Variants in PAM observed in about 807,000 individuals in gnomAD.
The protein encoded by PAM is peptidylglycine alpha-amidating monooxygenase.
A neutral mutation model predicts 122.1 loss-of-function variants in PAM; 72 were observed. The ratio of observed to expected loss-of-function variants is 0.59; its 90% CI spans 0.49 to 0.72. The LOEUF is 0.72. Ranked by LOEUF, PAM falls within the 30% of genes least tolerant of loss-of-function variation. PAM has a pLI of 0.00. For synonymous variants in PAM, 389 were observed against 404.4 expected (o/e 0.96, Z 0.46); for missense variants, 1,106 against 1,183.7 (o/e 0.93, Z 0.96).
chr5:102,997,628 A>G (rs529197809), intron 16 of PAM, among the ~76,000 whole-genome samples: 8 of 152,300 alleles, frequency 5.3e-5, no homozygotes, highest in African/African-American at 1.7e-4. Flanking sequence ...TGCTATGTCA[A>G]AATTTTCTAT....
At chr5:102,874,683 A>G (rs1788582512) in intron 3 of PAM, among the ~76,000 whole-genome samples, 1 of 152,094 alleles carries the variant, frequency 6.6e-6, no homozygotes, top group African/African-American at 2.4e-5. Flanking sequence ...CTACAGTGTA[A>G]AAGACTCCTT....
At chr5:102,999,868 C>T (rs115120698) in intron 16 of PAM, among the ~76,000 whole-genome samples, 2,801 of 152,300 alleles carry the variant, frequency 0.018, 39 homozygotes, top group Middle Eastern at 0.058. Context: ...TCCTGGGCCA[C>T]TGGGTCTGTG....
Position 103,021,280 on chromosome 5 carries a change from AC to A in PAM, c.2485+1439del, listed in dbSNP as rs550676428. Among the ~76,000 whole-genome samples the A allele has an allele frequency of 5.9e-5, 9 of 152,194 alleles. No homozygotes were observed. The South Asian group carries it at 1.9e-3, about 32-fold the overall frequency. ...GCTATACTGCTGAGGAGAGACTGAT[AC>A]CACCAATTCATTCACTATAAATTCT... On this transcript the variant is annotated intron_variant, in intron 23 of 25. Coordinates refer to ENST00000438793, the MANE Select transcript of PAM (RefSeq NM_001177306.2).
chr5:102,947,584 G>C (rs1305593122), intron 8 of PAM, among the ~76,000 whole-genome samples: 3 of 152,122 alleles, frequency 2.0e-5, no homozygotes, highest in Non-Finnish European at 2.9e-5. Context: ...AGTGTATACT[G>C]TTTGGGTGAT....
intron 12 of PAM, among the ~76,000 whole-genome samples, chr5:102,951,951 TGAAA>T (rs1759042916): frequency 6.6e-6 from 1 of 152,028 alleles, no homozygotes. Flanking sequence ...TAACTAGATT[TGAAA>T]GAAAGAGCAT....
Position 102,766,926 on chromosome 5 carries a change from A to ATTTTTTTTTTTTTTTTTTTTTTTTTTT in PAM, c.-374+11583_-374+11609dup. Among the ~76,000 whole-genome samples, 49 of 25,854 alleles carry ATTTTTTTTTTTTTTTTTTTTTTTTTTT rather than the reference A, an allele frequency of 1.9e-3. 20 individuals are homozygous for ATTTTTTTTTTTTTTTTTTTTTTTTTTT. The highest frequency in any genetic ancestry group is 4.0e-3 in the South Asian group (3 of 750). 17.0% of individuals were successfully genotyped at this position (25,854 alleles called of 152,430 possible). On this transcript the variant is annotated intron_variant, in intron 1 of 25. Coordinates refer to ENST00000438793, the MANE Select transcript of PAM (RefSeq NM_001177306.2). Reference sequence around the variant, plus strand: ...ATTTATTTTATTGCTTCAGTTGTGGATTTTTTTTTTTTTTTTTTTTTTTTT... The same window carrying ATTTTTTTTTTTTTTTTTTTTTTTTTTT: ...ATTTATTTTATTGCTTCAGTTGTGGATTTTTTTTTTTTTTTTTTTTTTTTTTTTTTTTTTTTTTTTTTTTTTTTTTTT...
chr5:102,891,674 C>T (rs1794832739), intron 3 of PAM, among the ~76,000 whole-genome samples: 1 of 151,776 alleles, frequency 6.6e-6, no homozygotes, highest in African/African-American at 2.4e-5. Context: ...TTATTTCTGT[C>T]AACATTATCA....
intron 1 of PAM, among the ~76,000 whole-genome samples, chr5:102,761,010 A>C (rs1217762827): frequency 6.6e-6 from 1 of 152,214 alleles, no homozygotes; most frequent in African/African-American, 2.4e-5. Flanking sequence ...AGCTTTGTCT[A>C]CTAACCATGC....
chr5:102,886,315 C>A (rs1362878411), intron 3 of PAM, among the ~76,000 whole-genome samples: 1 of 151,926 alleles, frequency 6.6e-6, no homozygotes. Context: ...AACCTTCTAG[C>A]AAATCCCAAA....
At chr5:102,956,111 C>T (rs768468166) in intron 12 of PAM, among the ~76,000 whole-genome samples, 4 of 151,916 alleles carry the variant, frequency 2.6e-5, no homozygotes, top group Non-Finnish European at 5.9e-5. Flanking sequence ...AGCAAAGATT[C>T]CTAAATTATT....
At chr5:102,884,657 C>G (rs1269664807) in intron 3 of PAM, among the ~76,000 whole-genome samples, 1 of 151,886 alleles carries the variant, frequency 6.6e-6, no homozygotes, top group South Asian at 2.1e-4. Flanking sequence ...TTCAATAACC[C>G]TCTTCAAGAA....
chr5:102,801,819 C>T (rs1764797996), intron 1 of PAM, among the ~76,000 whole-genome samples: 1 of 140,328 alleles, frequency 7.1e-6, no homozygotes, highest in South Asian at 2.3e-4. Context: ...CGCTCTGTCG[C>T]CCAGGCTGGA....
At chr5:102,977,786 T>C (rs2150514574) in intron 15 of PAM, among the ~76,000 whole-genome samples, 1 of 152,152 alleles carries the variant, frequency 6.6e-6, no homozygotes, top group South Asian at 2.1e-4. Flanking sequence ...ATGTAGAATA[T>C]TGCAAGTCCA....
At chr5:102,960,863 A>G (rs910146368) in intron 13 of PAM, among the ~76,000 whole-genome samples, 1 of 149,566 alleles carries the variant, frequency 6.7e-6, no homozygotes, top group Admixed American at 6.7e-5. Context: ...ATTTAAGAAA[A>G]CAAATATGAG....
chr5:102,896,271 T>C (rs1796197450), intron 3 of PAM, among the ~76,000 whole-genome samples: 1 of 151,678 alleles, frequency 6.6e-6, no homozygotes, highest in Admixed American at 6.6e-5. Flanking sequence ...TTGAACTACT[T>C]GGTGTTGAGA....
At chr5:102,761,044 C>T (rs1328976869) in intron 1 of PAM, among the ~76,000 whole-genome samples, 1 of 152,148 alleles carries the variant, frequency 6.6e-6, no homozygotes, top group Non-Finnish European at 1.5e-5. Flanking sequence ...ACAAGAATTG[C>T]ATGTTAACAG....
intron 15 of PAM, chr5:102,989,825 T>TAGATAGAC (rs1426335177): frequency 6.6e-6 from 1 of 152,142 alleles, no homozygotes; most frequent in Non-Finnish European, 1.5e-5. Context: ...GATAGATAGA[T>TAGATAGAC]AGATAGATAG....
chr5:102,850,101 TC>T (rs1397857114), intron 1 of PAM, among the ~76,000 whole-genome samples: 3 of 152,236 alleles, frequency 2.0e-5, no homozygotes, highest in South Asian at 4.1e-4. Context: ...TTTATGTTAT[TC>T]CTTGTTCCCA....
At chr5:102,900,479 A>G (rs1797492003) in intron 3 of PAM, among the ~76,000 whole-genome samples, 2 of 151,704 alleles carry the variant, frequency 1.3e-5, no homozygotes, top group East Asian at 3.9e-4. Flanking sequence ...TTTTTAACAC[A>G]CAAGTAGAAA....
Sources: allele counts gnomAD v4.1 joint callset (sites outside exome capture counted in the v4.1 genomes callset), GRCh38; gene constraint gnomAD v4.1.1; transcripts MANE v1.5; gene names NCBI Gene and HGNC (gene_info 2026-07-23, HGNC 2026-07-21).